The following ATG2B variants were observed in gnomAD, a reference collection of about 807,000 sequenced individuals.
ATG2B encodes autophagy related 2B.
A neutral mutation model predicts 241.3 loss-of-function variants in ATG2B; 121 were observed. That is an observed-to-expected ratio of 0.50 (90% CI 0.43 to 0.58). The LOEUF is 0.58. ATG2B is among the 20% of genes least tolerant of loss of function. The pLI is 0.00. For missense variants in ATG2B, 2,306 were observed against 2,491.6 expected (o/e 0.93, Z 1.59); for synonymous variants, 858 against 876.6 (o/e 0.98, Z 0.37).
At chr14:96,338,016 G>GAATTT (rs1887910822) in intron 6 of ATG2B, among the ~76,000 whole-genome samples, 1 of 151,920 alleles carries the variant, frequency 6.6e-6, no homozygotes, top group South Asian at 2.1e-4. Flanking sequence ...CCTAGGTATT[G>GAATTT]TATTTTATTT....
intron 1 of ATG2B, among the ~76,000 whole-genome samples, chr14:96,354,651 C>T (rs571958456): frequency 6.6e-6 from 1 of 152,256 alleles, no homozygotes; most frequent in Non-Finnish European, 1.5e-5. Flanking sequence ...AATGAGGTTG[C>T]TAGGTCAAAT....
rs758964649 is a variant in ATG2B at position 96,311,107 on chromosome 14, C to G, written c.4161+10G>C. The G allele has an allele frequency of 6.3e-7, 1 of 1,598,810 alleles. No individual in the cohort carries two copies. The highest frequency in any genetic ancestry group is 1.3e-5 in the African/African-American group (1 of 74,444). ...GGCAGGGACTGGAGGAATCACATTG[C>G]TGACTGTACCTTAGACCTTCTTTGA... On this transcript the variant is annotated intron_variant, in intron 28 of 41. Coordinates refer to ENST00000359933, the MANE Select transcript of ATG2B (RefSeq NM_018036.7).
chr14:96,331,435 T>C lies in ATG2B; in HGVS notation c.1671A>G (p.Thr557=), dbSNP rs1215595075. 1 of 1,614,136 alleles carries C rather than the reference T, an allele frequency of 6.2e-7. No individual in the cohort carries two copies. The highest frequency in any genetic ancestry group is 8.5e-7 in the Non-Finnish European group (1 of 1,179,992). ...IEKIDPARFS[T]EDFKSFRAVF... ...CTGCTCGGAAAGACTTAAAATCTTC[T>C]GTTGAAAATCTTGCTGGATCAATCT... The change falls in exon 11 of 42, where the codon ACA becomes ACG. Residue 557 remains threonine, a synonymous_variant. Coordinates refer to ENST00000359933, the MANE Select transcript of ATG2B (RefSeq NM_018036.7).
At chr14:96,320,765 T>C (rs549203114) in intron 18 of ATG2B, among the ~76,000 whole-genome samples, 1 of 152,304 alleles carries the variant, frequency 6.6e-6, no homozygotes, top group Admixed American at 6.5e-5. Context: ...GGCTAGGCCT[T>C]GAAAGAGTCA....
In ATG2B at chr14:96,295,556, G is replaced by T. The variant is rs752943264; in HGVS notation, c.5144C>A (p.Ala1715Asp). Residue 1715 changes from alanine (A) to aspartate (D), a missense_variant, in exon 35 of 42, where the codon GCT becomes GAT. Ala to Asp is a moderately radical substitution (Grantham distance 126). Transcript: ENST00000359933. ...GAAGAAATCCTTCAGGAAGAACAAA[G>T]CATCCTAAAATTAAGAGATGTAATT... ...MPLRLNIDQDALFFLKDFFTS... is the reference protein window; with the variant it reads ...MPLRLNIDQDDLFFLKDFFTS... The T allele has an allele frequency of 6.3e-7, 1 of 1,593,010 alleles. No homozygotes were observed. The highest frequency in any genetic ancestry group is 8.5e-7 in the Non-Finnish European group (1 of 1,171,912).
At chr14:96,339,351 T>C (rs1281871221) in intron 6 of ATG2B, among the ~76,000 whole-genome samples, 4 of 151,986 alleles carry the variant, frequency 2.6e-5, no homozygotes, top group Admixed American at 2.6e-4. Flanking sequence ...CACAAACATA[T>C]ATATACACAC....
Position 96,283,448 on chromosome 14 carries a change from C to A in ATG2B, c.*2307G>T, listed in dbSNP as rs549912713. ...AGGCCCAGTGGTCTGAGGCTCTGTA[C>A]AAAGCATGACGCCACATGTGATCAT... On this transcript the variant is annotated 3_prime_UTR_variant, in exon 42 of 42. Transcript: ENST00000359933. The A allele has an allele frequency of 6.6e-6, 1 of 152,206 alleles. No homozygotes were observed. The highest frequency in any genetic ancestry group is 1.5e-5 in the Non-Finnish European group (1 of 68,062). The allele number at this position is 152,206 out of a possible 1,614,324, so 9.4% of individuals were successfully genotyped here.
rs200638090 is a variant in ATG2B at position 96,285,948 on chromosome 14, G to A, written c.6044C>T (p.Ala2015Val). Residue 2015 changes from alanine to valine, a missense_variant, in exon 42 of 42, where the codon GCG (alanine) becomes GTG (valine). Around this residue, in one of 2 missense-constraint regions of ATG2B, gnomAD observed 379 missense variants for 480.4 expected, o/e 0.79. Coordinates refer to ENST00000359933, the MANE Select transcript of ATG2B (RefSeq NM_018036.7). This position sits in a 1 kb window ranked among gnomAD's most constrained non-coding sequence, Gnocchi z 4.2. Reference sequence around the variant, plus strand: ...CCCTCTGCTCTCGTGTTCTCGAGCCGCAGTTTCATAAATGGTCTGAGCCGT... The same window carrying A: ...CCCTCTGCTCTCGTGTTCTCGAGCCACAGTTTCATAAATGGTCTGAGCCGT... ...TDTAQTIYET[A>V]AREHESRGVT... 5 of 1,613,802 alleles carry A rather than the reference G, an allele frequency of 3.1e-6. No homozygotes were observed. Among genetic ancestry groups the A allele is most frequent in the South Asian group, 1.1e-5 (1 of 91,006 alleles).
Position 96,333,671 on chromosome 14 carries a change from C to T in ATG2B, c.1207+17G>A. Reference sequence around the variant, plus strand: ...TTATAATATATGATTCTGGTGTCAACAGTTTGAGTTGCTTACCACGGCTAG... The same window carrying T: ...TTATAATATATGATTCTGGTGTCAATAGTTTGAGTTGCTTACCACGGCTAG... On this transcript the variant is annotated intron_variant, in intron 8 of 41. Transcript: ENST00000359933. 1 of 1,606,972 alleles carries T rather than the reference C, an allele frequency of 6.2e-7. No individual in the cohort carries two copies. The highest frequency in any genetic ancestry group is 8.5e-7 in the Non-Finnish European group (1 of 1,176,690).
At chr14:96,321,494 AACCCTTATAGGTGGG>A (rs1267173594) in intron 18 of ATG2B, among the ~76,000 whole-genome samples, 1 of 152,168 alleles carries the variant, frequency 6.6e-6, no homozygotes, top group Non-Finnish European at 1.5e-5. Flanking sequence ...TCCTCCAAAC[AACCCTTATAGGTGGG>A]AGCCAGGATC....
chr14:96,322,743 C>A lies in ATG2B; in HGVS notation c.2541-8G>T. ...TTTATTTTCAGTACAATTCTGATAGCAAAGACAATTTTAAAAAGACCAAGA... is the reference window on the plus strand; with the variant it reads ...TTTATTTTCAGTACAATTCTGATAGAAAAGACAATTTTAAAAAGACCAAGA... On this transcript the variant is annotated splice_region_variant and splice_polypyrimidine_tract_variant and intron_variant, in intron 16 of 41. Coordinates refer to ENST00000359933, the MANE Select transcript of ATG2B (RefSeq NM_018036.7). 3 of 1,606,036 alleles carry A rather than the reference C, an allele frequency of 1.9e-6. No individual in the cohort carries two copies. The highest frequency in any genetic ancestry group is 2.5e-6 in the Non-Finnish European group (3 of 1,176,798).
intron 25 of ATG2B, 26 bp downstream of exon 25, chr14:96,313,039 G>T: frequency 2.9e-6 from 4 of 1,398,186 alleles, no homozygotes; most frequent in Non-Finnish European, 4.1e-6. Context: ...GCTTTGTTTA[G>T]TATACAATGA....
intron 18 of ATG2B, 70 bp downstream of exon 18, chr14:96,322,042 G>A (rs910939170): frequency 1.7e-6 from 2 of 1,165,066 alleles, no homozygotes; most frequent in Admixed American, 2.8e-5. Flanking sequence ...AGGAAAGGGG[G>A]AAGAGGAAAA....
At chr14:96,361,459 C>T (rs1456722149) in intron 1 of ATG2B, among the ~76,000 whole-genome samples, 1 of 152,044 alleles carries the variant, frequency 6.6e-6, no homozygotes, top group African/African-American at 2.4e-5. Flanking sequence ...GCCCTTCCAC[C>T]CACAAAAGGC....
In ATG2B at chr14:96,291,629, T is replaced by C. The variant is rs747525899; in HGVS notation, c.5550A>G (p.Leu1850=). The C allele has an allele frequency of 1.2e-5, 19 of 1,606,490 alleles. No individual in the cohort carries two copies. The Admixed American group carries it at 3.0e-4, about 25-fold the overall frequency. ...GTCGATAGGAAAGCCTCTTGAGCTTTAGTTCAGAGCAGTTTAACTGAGCCA... is the reference window on the plus strand; with the variant it reads ...GTCGATAGGAAAGCCTCTTGAGCTTCAGTTCAGAGCAGTTTAACTGAGCCA... The part of the protein sequence containing the change: ...IGLAQLNCSE[L]KLKRLSYRHG... The change falls in exon 38 of 42, where the codon CTA becomes CTG. Residue 1850 remains leucine (L), a synonymous_variant. Coordinates refer to ENST00000359933, the MANE Select transcript of ATG2B (RefSeq NM_018036.7).
chr14:96,312,290 T>A, intron 25 of ATG2B, 131 bp from the exon 26 acceptor site: 4 of 643,046 alleles, frequency 6.2e-6, no homozygotes, highest in Non-Finnish European at 1.1e-5. Flanking sequence ...AGTTTCTAAC[T>A]TATAACTGTC....
chr14:96,295,219 A>G (rs368428313), intron 35 of ATG2B, 52 bp from the exon 36 acceptor site: 47 of 1,434,164 alleles, frequency 3.3e-5, no homozygotes, highest in Non-Finnish European at 4.2e-5. Context: ...CTTCTTAGCA[A>G]ACATTTAAAT....
intron 28 of ATG2B, 151 bp downstream of exon 28, chr14:96,310,966 C>A: frequency 1.6e-6 from 1 of 607,968 alleles, no homozygotes; most frequent in South Asian, 5.3e-5. Flanking sequence ...GCCCATGAAA[C>A]CACCGTTTCA....
At chr14:96,308,232 ATATATATATATATATATATACACACATAT>A in intron 29 of ATG2B, among the ~76,000 whole-genome samples, 1 of 8,964 alleles carries the variant, frequency 1.1e-4, no homozygotes, top group African/African-American at 4.5e-4. Context: ...ATATATATAC[ATATATATATATATATATATACACACATAT>A]ATATATATAT....
Sources: gnomAD v4.1 joint callset for allele counts (sites outside exome capture counted in the v4.1 genomes callset) on GRCh38, gnomAD v4.1.1 for gene constraint, gnomAD v4.1.1 regional missense constraint, Gnocchi (gnomAD v3.1) non-coding constraint, MANE v1.5 for transcripts, NCBI Gene and HGNC (gene_info 2026-07-23, HGNC 2026-07-21) for gene names.